The following ASPRV1 variants were observed in gnomAD, a reference collection of about 807,000 sequenced individuals.
ASPRV1 encodes the protein retroviral-like aspartic protease 1.
In ASPRV1, 7 loss-of-function variants were observed where a neutral mutation model predicts 11.0. The ratio of observed to expected loss-of-function variants is 0.64; its 90% CI spans 0.36 to 1.20. The LOEUF is 1.20. Ranked by LOEUF, ASPRV1 falls within the 50% of genes most tolerant of loss-of-function variation. The probability of loss-of-function intolerance (pLI) is 0.02; values close to 1 mark genes in which losing one functional copy is unlikely to be tolerated. For synonymous variants in ASPRV1, 136 were observed against 138.4 expected (o/e 0.98, Z 0.12); for missense variants, 299 against 320.0 (o/e 0.93, Z 0.50).
chr2:69,936,880 G>A, the ASPRV1 span: 13 of 441,854 alleles, frequency 2.9e-5, no homozygotes, highest in East Asian at 3.3e-4. Context: ...TTTCTAGTCC[G>A]GAGATCAGGT....
the ASPRV1 span, among the ~76,000 whole-genome samples, chr2:69,986,176 T>TA: frequency 6.6e-6 from 1 of 152,192 alleles, no homozygotes; most frequent in East Asian, 1.9e-4. Context: ...GCAAGGCGTC[T>TA]AATATGAATC....
chr2:69,940,908 A>T, the ASPRV1 span: 3 of 152,688 alleles, frequency 2.0e-5, no homozygotes, highest in African/African-American at 7.2e-5. Flanking sequence ...GGCAGCCCTG[A>T]TTCGCCAATT....
At chr2:70,061,476 T>C in the ASPRV1 span, among the ~76,000 whole-genome samples, 2 of 151,680 alleles carry the variant, frequency 1.3e-5, no homozygotes, top group Non-Finnish European at 2.9e-5. Context: ...AGGCAGAGGC[T>C]ATACAGCACT....
the ASPRV1 span, chr2:70,056,428 A>AC: frequency 6.6e-6 from 1 of 151,704 alleles, no homozygotes; most frequent in East Asian, 2.0e-4. Flanking sequence ...AAACGGTGAA[A>AC]CCCCGTCTCT....
chr2:70,036,174 G>T, the ASPRV1 span, among the ~76,000 whole-genome samples: 4 of 152,038 alleles, frequency 2.6e-5, no homozygotes, highest in South Asian at 6.3e-4. Flanking sequence ...CAGTGAAGAG[G>T]TGGGCAGAAA....
At chr2:69,965,592 A>G (rs1678313791), upstream of ASPRV1, among the ~76,000 whole-genome samples, 1 of 152,192 alleles carries the variant, frequency 6.6e-6, no homozygotes, top group African/African-American at 2.4e-5. Flanking sequence ...TTCCCAGAAC[A>G]CAGTGGCAGC....
In ASPRV1 at chr2:69,960,685, T is replaced by C. The variant is rs759076415; in HGVS notation, c.752A>G (p.Glu251Gly). 2.6e-5 allele frequency: 42 copies of C among 1,613,456 alleles called. No homozygotes were observed. In the South Asian group the frequency reaches 4.1e-4, roughly 16 times the overall value. The change falls in exon 1 of 1, where the codon GAA (glutamate) becomes GGA (glycine). Residue 251 changes from glutamate to glycine, a missense_variant. Transcript: ENST00000320256. The part of the protein sequence containing the change: ...LELIEEDPSS[E>G]EGRQELSH ...GTGGGATAGCTCCTGCCGCCCTTCT[T>C]CTGAGGAGGGGTCCTCCTCTATGAG...
chr2:69,982,206 T>C, the ASPRV1 span, among the ~76,000 whole-genome samples: 2 of 151,624 alleles, frequency 1.3e-5, no homozygotes, highest in Non-Finnish European at 2.9e-5. Flanking sequence ...AGGCTAGGCA[T>C]GGTGGCTCAT....
the ASPRV1 span, among the ~76,000 whole-genome samples, chr2:69,988,278 G>A: frequency 2.0e-5 from 3 of 152,278 alleles, no homozygotes; most frequent in Non-Finnish European, 2.9e-5. Context: ...AAGCGCCCAC[G>A]CATGGCTGAA....
At chr2:70,073,858 G>A in the ASPRV1 span, among the ~76,000 whole-genome samples, 1 of 151,998 alleles carries the variant, frequency 6.6e-6, no homozygotes, top group Non-Finnish European at 1.5e-5. Context: ...TCACAGCCAG[G>A]TGCGGTGACT....
At chr2:70,001,461 T>A in the ASPRV1 span, among the ~76,000 whole-genome samples, 1 of 150,888 alleles carries the variant, frequency 6.6e-6, no homozygotes, top group African/African-American at 2.4e-5. Context: ...CTTAAGGGGA[T>A]CAAAATAAGG....
the ASPRV1 span, among the ~76,000 whole-genome samples, chr2:70,022,511 C>A: frequency 6.6e-6 from 1 of 151,594 alleles, no homozygotes; most frequent in Admixed American, 6.6e-5. Context: ...CATAGTGAGA[C>A]CTCAACTCTA....
the ASPRV1 span, among the ~76,000 whole-genome samples, chr2:69,949,974 C>G: frequency 6.6e-6 from 1 of 152,110 alleles, no homozygotes; most frequent in African/African-American, 2.4e-5. Context: ...TGCCACCGTA[C>G]CAAGCTAATT....
At chr2:70,002,780 T>C in the ASPRV1 span, among the ~76,000 whole-genome samples, 2 of 152,182 alleles carry the variant, frequency 1.3e-5, no homozygotes, top group Non-Finnish European at 2.9e-5. Flanking sequence ...TCTGAGAAAG[T>C]ACCTCCTTTC....
the ASPRV1 span, chr2:69,988,782 G>A: frequency 2.2e-6 from 1 of 456,700 alleles, no homozygotes; most frequent in Admixed American, 2.3e-5. Flanking sequence ...ATAACGAAGA[G>A]TAGTGTTAAC....
chr2:69,984,669 G>A, the ASPRV1 span, among the ~76,000 whole-genome samples: 1 of 141,736 alleles, frequency 7.1e-6, no homozygotes, highest in South Asian at 2.2e-4. Flanking sequence ...CACCCAGGCT[G>A]GAGTGCAATA....
At chr2:70,025,166 T>C in the ASPRV1 span, among the ~76,000 whole-genome samples, 34,676 of 152,164 alleles carry the variant, frequency 0.23, 7,003 homozygotes, top group African/African-American at 0.51. Flanking sequence ...AGAAGCACCA[T>C]CATTATGACA....
chr2:70,058,672 C>A, the ASPRV1 span, among the ~76,000 whole-genome samples: 2 of 151,648 alleles, frequency 1.3e-5, no homozygotes, highest in East Asian at 3.9e-4. Context: ...CCTGCCTCAG[C>A]CTCCTGAGTA....
the ASPRV1 span, among the ~76,000 whole-genome samples, chr2:70,047,397 G>C: frequency 6.6e-6 from 1 of 152,144 alleles, no homozygotes; most frequent in Non-Finnish European, 1.5e-5. Context: ...CACTGTGGTG[G>C]GTTGAATTCA....
Sources: gnomAD v4.1 joint callset for allele counts (sites outside exome capture counted in the v4.1 genomes callset) on GRCh38, gnomAD v4.1.1 for gene constraint, MANE v1.5 for transcripts, NCBI Gene and HGNC (gene_info 2026-07-23, HGNC 2026-07-21) for gene names.